Variants in TRDN observed in about 807,000 individuals in gnomAD.
The protein encoded by TRDN is triadin, also known as triadin in skeletal muscle.
A neutral mutation model predicts 149.7 loss-of-function variants in TRDN; 161 were observed. The observed-to-expected ratio is 1.08, with a 90% CI of 0.95 to 1.23. TRDN has a LOEUF of 1.23. Ranked by LOEUF, TRDN falls within the 50% of genes most tolerant of loss-of-function variation. The pLI is 0.00. For synonymous variants in TRDN, 294 were observed against 250.5 expected, an observed-to-expected ratio of 1.17 and a Z score of -1.64; for missense variants, 896 against 823.5, an observed-to-expected ratio of 1.09 and a Z score of -1.08.
At chr6:123,430,828 C>A (rs916797723) in intron 12 of TRDN, among the ~76,000 whole-genome samples, 6 of 152,126 alleles carry the variant, frequency 3.9e-5, no homozygotes, top group African/African-American at 1.4e-4. Context: ...GCATTCAGCC[C>A]AAGCTCACTT....
chr6:123,559,566 C>T (rs1251116103), intron 2 of TRDN, among the ~76,000 whole-genome samples: 1 of 152,126 alleles, frequency 6.6e-6, no homozygotes, highest in Non-Finnish European at 1.5e-5. Context: ...GATCATGCAC[C>T]CCTTACCATC....
intron 22 of TRDN, among the ~76,000 whole-genome samples, chr6:123,332,931 G>A (rs190609532): frequency 5.3e-5 from 8 of 151,924 alleles, no homozygotes; most frequent in African/African-American, 1.7e-4. Flanking sequence ...TTTTCTTGTC[G>A]GGTAAGCTGT....
At chr6:123,461,407 G>C (rs915828895) in intron 10 of TRDN, among the ~76,000 whole-genome samples, 1 of 151,974 alleles carries the variant, frequency 6.6e-6, no homozygotes, top group Admixed American at 6.6e-5. Flanking sequence ...TTCTCTATTC[G>C]ACTTCATTCA....
rs76856710 is a variant in TRDN at position 123,254,329 on chromosome 6, A to G, written c.1951+752T>C. Among the ~76,000 whole-genome samples the G allele has an allele frequency of 2.9e-3, 445 of 152,188 alleles. 3 individuals are homozygous for G. The highest frequency in any genetic ancestry group is 1.0e-2 in the African/African-American group (415 of 41,566). On this transcript the variant is annotated intron_variant, in intron 37 of 40. Coordinates refer to ENST00000334268, the MANE Select transcript of TRDN (RefSeq NM_006073.4). ...AATTTTACGTGTGAAAGGTATGTCT[A>G]GATATGTCTAGTCATTTCAGGGATA... is the stretch of plus-strand genomic sequence containing the variant.
At chr6:123,321,885 T>C (rs1173105817) in intron 23 of TRDN, among the ~76,000 whole-genome samples, 2 of 152,006 alleles carry the variant, frequency 1.3e-5, no homozygotes, top group Non-Finnish European at 2.9e-5. Context: ...AAGATTTCAC[T>C]GCCTTTGAGT....
In TRDN at chr6:123,622,851, T is replaced by C. The variant is rs190894202; in HGVS notation, c.22+13903A>G. ...AGGATTAAAGAAACACTGGAGGTAC[T>C]CTAAGCACATGTAGAGTTCACTATG... On this transcript the variant is annotated intron_variant, in intron 1 of 40. Coordinates refer to ENST00000334268, the MANE Select transcript of TRDN (RefSeq NM_006073.4). Among the ~76,000 whole-genome samples, 5 of 152,272 alleles carry C rather than the reference T, an allele frequency of 3.3e-5. No individual in the cohort carries two copies. The East Asian group carries it at 9.7e-4, about 29-fold the overall frequency.
intron 9 of TRDN, chr6:123,470,258 A>C (rs528707726): frequency 6.6e-6 from 1 of 152,320 alleles, no homozygotes; most frequent in South Asian, 2.1e-4. Context: ...AAGATACGTA[A>C]AAGTGCCTTG....
chr6:123,326,476 T>C (rs1199311864), intron 23 of TRDN, among the ~76,000 whole-genome samples: 1 of 113,704 alleles, frequency 8.8e-6, no homozygotes, highest in Non-Finnish European at 1.9e-5. Flanking sequence ...AATGTATTTC[T>C]ACTTTTTAAA....
chr6:123,337,506 C>A, intron 22 of TRDN, 113 bp downstream of exon 22: 1 of 365,970 alleles, frequency 2.7e-6, no homozygotes, highest in South Asian at 9.8e-5. Flanking sequence ...TGTGTGTGAC[C>A]TCTGCAGTTC....
chr6:123,605,214 TTAATAATTATTTAA>T (rs1368738721), intron 1 of TRDN, among the ~76,000 whole-genome samples: 2 of 84,618 alleles, frequency 2.4e-5, no homozygotes, highest in Admixed American at 1.1e-4. Context: ...AATAAATATT[TTAATAATTATTTAA>T]TAATTATTAT....
At chr6:123,575,451 A>G (rs1350637258) in intron 1 of TRDN, among the ~76,000 whole-genome samples, 1 of 152,110 alleles carries the variant, frequency 6.6e-6, no homozygotes, top group Non-Finnish European at 1.5e-5. Context: ...TTTAAAGATG[A>G]CAAGAGCTAG....
intron 10 of TRDN, among the ~76,000 whole-genome samples, chr6:123,463,910 A>G (rs1375006866): frequency 2.0e-5 from 3 of 152,064 alleles, no homozygotes; most frequent in Admixed American, 6.6e-5. Flanking sequence ...GCCAAAGCCA[A>G]CGGGCAGTTG....
At chr6:123,352,788 C>A (rs561366825) in intron 20 of TRDN, among the ~76,000 whole-genome samples, 1 of 152,002 alleles carries the variant, frequency 6.6e-6, no homozygotes, top group African/African-American at 2.4e-5. Flanking sequence ...AAGTGATAAT[C>A]TTCTGCCTAC....
intron 2 of TRDN, among the ~76,000 whole-genome samples, chr6:123,559,503 T>C (rs1184510688): frequency 6.6e-6 from 1 of 150,872 alleles, no homozygotes; most frequent in Admixed American, 6.6e-5. Context: ...CCTCTTGTAT[T>C]CCCCCCACTT....
At position 123,217,321 on chromosome 6, in the gene TRDN, T is replaced by C. The variant is rs575519551; in HGVS notation, c.*1280A>G. ...TTGAAAATAAATCACTTGGCTAGTATTGGCTCTGGCTATCTCAGGCCTTGC... is the reference window on the plus strand; with the variant it reads ...TTGAAAATAAATCACTTGGCTAGTACTGGCTCTGGCTATCTCAGGCCTTGC... On this transcript the variant is annotated 3_prime_UTR_variant, in exon 41 of 41. Coordinates refer to ENST00000334268, the MANE Select transcript of TRDN (RefSeq NM_006073.4). 7.2e-5 allele frequency: 11 copies of C among 152,130 alleles called. No individual in the cohort carries two copies. The highest frequency in any genetic ancestry group is 2.6e-4 in the African/African-American group (11 of 41,546). The allele number at this position is 152,130 out of a possible 1,614,324, so 9.4% of individuals were successfully genotyped here.
chr6:123,540,708 CG>C (rs1780788027), intron 4 of TRDN, among the ~76,000 whole-genome samples: 1 of 151,924 alleles, frequency 6.6e-6, no homozygotes, highest in Non-Finnish European at 1.5e-5. Context: ...TTGGTGAAGA[CG>C]GTGTTTCACC....
intron 10 of TRDN, among the ~76,000 whole-genome samples, chr6:123,450,873 T>C (rs1775727915): frequency 6.6e-6 from 1 of 152,092 alleles, no homozygotes; most frequent in African/African-American, 2.4e-5. Context: ...TCAATAAATT[T>C]AAGAAAACTG....
chr6:123,270,560 A>C (rs561393705), intron 30 of TRDN, among the ~76,000 whole-genome samples: 2 of 152,002 alleles, frequency 1.3e-5, no homozygotes, highest in African/African-American at 4.8e-5. Flanking sequence ...TTCAAGACTC[A>C]TAAGTTTTCT....
At position 123,438,096 on chromosome 6, in the gene TRDN, C is replaced by T. The variant is rs778821180; in HGVS notation, c.1018G>A (p.Glu340Lys). 25 of 1,592,098 alleles carry T rather than the reference C, an allele frequency of 1.6e-5. No individual in the cohort carries two copies. The highest frequency in any genetic ancestry group is 2.1e-5 in the Non-Finnish European group (25 of 1,172,330). Residue 340 changes from glutamate to lysine, a missense_variant, in exon 12 of 41, where the codon GAG becomes AAG. Coordinates refer to ENST00000334268, the MANE Select transcript of TRDN (RefSeq NM_006073.4). ...TCCACATCAATGGCAGTTTCCTTCT[C>T]ACTTTTCTTTTTGATATCTTCTTTT... Reference protein sequence around the residue: ...KEKEDIKKKSEKETAIDVEKK... With the variant: ...KEKEDIKKKSKKETAIDVEKK...
Sources: gnomAD v4.1 joint callset for allele counts (sites outside exome capture counted in the v4.1 genomes callset) on GRCh38, gnomAD v4.1.1 for gene constraint, MANE v1.5 for transcripts, NCBI Gene and HGNC (gene_info 2026-07-23, HGNC 2026-07-21) for gene names.